Variants in ZNF229 observed in about 807,000 individuals in gnomAD.
ZNF229 encodes zinc finger protein 229.
In ZNF229, 10 loss-of-function variants were observed where a neutral mutation model predicts 11.8. The ratio of observed to expected loss-of-function variants is 0.85; its 90% CI spans 0.52 to 1.44. ZNF229 has a LOEUF of 1.44. Ranked by LOEUF, ZNF229 falls within the 40% of genes most tolerant of loss-of-function variation. The pLI is 0.00. For missense variants in ZNF229, 1,045 were observed against 1,015.1 expected (o/e 1.03, Z -0.40); for synonymous variants, 368 against 374.8 (o/e 0.98, Z 0.21).
At position 44,427,238 on chromosome 19, in the gene ZNF229, A is replaced by ACCCCCC. The variant is rs34703374; in HGVS notation, c.*1059_*1064dup. 908 of 116,706 alleles carry ACCCCCC rather than the reference A, an allele frequency of 7.8e-3. No individual in the cohort carries two copies. The highest frequency in any genetic ancestry group is 0.01 in the African/African-American group (296 of 29,028). 7.2% of individuals were successfully genotyped at this position (116,706 alleles called of 1,614,324 possible). A position where few individuals can be genotyped will look rare whatever the true frequency, so the allele number is the denominator to read the frequency against. On this transcript the variant is annotated 3_prime_UTR_variant, in exon 6 of 6. Coordinates refer to ENST00000614049, the MANE Select transcript of ZNF229 (RefSeq NM_014518.4). ...CAAACCATATCAGACTGTTTCTACA[A>ACCCCCC]CCCCCCCCCCCGCCCCCACTGATGG...
rs1050506747 is a variant in ZNF229 at position 44,448,378 on chromosome 19, T to C, written c.-335A>G. ...ACGTTGTCCCTTCACACTGGTCCTA[T>C]AGAGCCGATCCTAATTCCCATGGCC... On this transcript the variant is annotated 5_prime_UTR_variant, in exon 1 of 6. Transcript: ENST00000614049. The C allele has an allele frequency of 1.3e-5, 2 of 152,332 alleles. No homozygotes were observed. Among genetic ancestry groups the C allele is most frequent in the East Asian group, 1.9e-4 (1 of 5,204 alleles). The allele number at this position is 152,332 out of a possible 1,614,324, so 9.4% of individuals were successfully genotyped here. A position where few individuals can be genotyped will look rare whatever the true frequency, so the allele number is the denominator to read the frequency against.
intron 2 of ZNF229, among the ~76,000 whole-genome samples, chr19:44,446,291 T>C (rs142919252): frequency 6.0e-4 from 91 of 152,326 alleles, no homozygotes; most frequent in African/African-American, 2.0e-3. Flanking sequence ...TATGAAGTTA[T>C]GATAAAATAA....
At chr19:44,435,965 A>AAT (rs377392500) in intron 4 of ZNF229, among the ~76,000 whole-genome samples, 12 of 152,200 alleles carry the variant, frequency 7.9e-5, no homozygotes, top group African/African-American at 2.9e-4. Flanking sequence ...GCAGGAAACA[A>AAT]ATAAACACTG....
chr19:44,448,012 T>TA (rs1393756253), intron 1 of ZNF229, among the ~76,000 whole-genome samples: 2 of 152,194 alleles, frequency 1.3e-5, no homozygotes, highest in Non-Finnish European at 2.9e-5. Context: ...CAGCGCTTAA[T>TA]ACATTTCAAA....
Position 44,436,084 on chromosome 19 carries a change from G to A in ZNF229, c.94-3718C>T, listed in dbSNP as rs552962599. Among the ~76,000 whole-genome samples, 443 of 152,302 alleles carry A rather than the reference G, an allele frequency of 2.9e-3. 3 individuals carry two copies. Among genetic ancestry groups the A allele is most frequent in the African/African-American group, 0.01 (427 of 41,560 alleles). On this transcript the variant is annotated intron_variant, in intron 4 of 5. Transcript: ENST00000614049. ...AATGGATCAAGTATAGATACAAGGA[G>A]ACCACATTGGAGGCCACTGCAATAT...
chr19:44,429,722 G>T lies in ZNF229; in HGVS notation c.1059C>A (p.Val353=). 1 of 1,614,120 alleles carries T rather than the reference G, an allele frequency of 6.2e-7. No homozygotes were observed. Among genetic ancestry groups the T allele is most frequent in the African/African-American group, 1.3e-5 (1 of 74,986 alleles). ...ATTTATACCTGAACCCCTTTCCACA[G>T]ACATCACATCTATAGGGCATGTCTC... The part of the protein sequence containing the change: ...PVGDMPYRCD[V]CGKGFRYKSV... Residue 353 remains valine (V), a synonymous_variant, in exon 6 of 6, where the codon GTC becomes GTA. Transcript: ENST00000614049.
intron 4 of ZNF229, among the ~76,000 whole-genome samples, chr19:44,433,106 T>G (rs1389683844): frequency 6.6e-6 from 1 of 152,022 alleles, no homozygotes; most frequent in Admixed American, 6.6e-5. Flanking sequence ...CAGGATGGCA[T>G]GCACTGGTGC....
At chr19:44,431,900 G>T in intron 5 of ZNF229, 2 of 712,564 alleles carry the variant, frequency 2.8e-6, no homozygotes, top group Non-Finnish European at 3.5e-6. Flanking sequence ...TCATGGAGGT[G>T]GAACCCCCAG....
chr19:44,433,745 G>C (rs552952383), intron 4 of ZNF229, among the ~76,000 whole-genome samples: 2 of 151,996 alleles, frequency 1.3e-5, no homozygotes, highest in East Asian at 3.9e-4. Context: ...ACCCAGTCTC[G>C]GGTTTTTGTT....
intron 5 of ZNF229, 153 bp downstream of exon 5, chr19:44,432,069 A>G: frequency 7.2e-7 from 1 of 1,381,250 alleles, no homozygotes. Context: ...TCCAGAAATA[A>G]ACTTCTGTTG....
At chr19:44,434,950 GA>G (rs948587022) in intron 4 of ZNF229, among the ~76,000 whole-genome samples, 4 of 152,048 alleles carry the variant, frequency 2.6e-5, no homozygotes, top group African/African-American at 9.7e-5. Context: ...TCATGATGGT[GA>G]ATAAGTCTCA....
Position 44,443,301 on chromosome 19 carries a change from T to A in ZNF229, c.-177-277A>T, listed in dbSNP as rs564379874. Among the ~76,000 whole-genome samples, 4 of 152,218 alleles carry A rather than the reference T, an allele frequency of 2.6e-5. No individual in the cohort carries two copies. In the South Asian group the frequency reaches 8.3e-4, roughly 32 times the overall value. On this transcript the variant is annotated intron_variant, in intron 2 of 5. Transcript: ENST00000614049. Reference sequence around the variant, plus strand: ...GAAGGGCAGAGAGACCCCACAAATATATGGGACCTGTGACCTGTGAAGAAA... The same window carrying A: ...GAAGGGCAGAGAGACCCCACAAATAAATGGGACCTGTGACCTGTGAAGAAA...
At position 44,429,314 on chromosome 19, in the gene ZNF229, G is replaced by A; in HGVS notation, c.1467C>T (p.Tyr489=). 1 of 1,614,102 alleles carries A rather than the reference G, an allele frequency of 6.2e-7. No homozygotes were observed. Among genetic ancestry groups the A allele is most frequent in the South Asian group, 1.1e-5 (1 of 91,080 alleles). ...AACCTTTGCCACACTTGTCACACTGGTAGGGCCTCTCGCCGGTGTGTGTCT... is the reference window on the plus strand; with the variant it reads ...AACCTTTGCCACACTTGTCACACTGATAGGGCCTCTCGCCGGTGTGTGTCT... ...HQKTHTGERP[Y]QCDKCGKGFS... is the part of the protein sequence containing the mutation. Residue 489 remains tyrosine, a synonymous_variant, in exon 6 of 6, where the codon TAC becomes TAT. Transcript: ENST00000614049.
In ZNF229 at chr19:44,429,059, GC is replaced by G. The variant is rs1971647659; in HGVS notation, c.1721del (p.Cys574SerfsTer246). The G allele has an allele frequency of 6.2e-7, 1 of 1,612,210 alleles. No individual in the cohort carries two copies. Among genetic ancestry groups the G allele is most frequent in the African/African-American group, 1.3e-5 (1 of 74,226 alleles). ...RVHTGEKPYK[C>X]SECGKGFRRN... ...GCCGGAAGCCCTTCCCACACTCACT[GC>G]ATTTATAGGGTTTCTCTCCTGTGTG... On this transcript the variant is annotated frameshift_variant, in exon 6 of 6. Coordinates refer to ENST00000614049, the MANE Select transcript of ZNF229 (RefSeq NM_014518.4). LOFTEE classifies it low-confidence loss of function (END_TRUNC).
Position 44,428,269 on chromosome 19 carries a change from G to C in ZNF229, c.*34C>G. 1 of 1,556,054 alleles carries C rather than the reference G, an allele frequency of 6.4e-7. No individual in the cohort carries two copies. Among genetic ancestry groups the C allele is most frequent in the Non-Finnish European group, 8.7e-7 (1 of 1,148,654 alleles). On this transcript the variant is annotated 3_prime_UTR_variant, in exon 6 of 6. Coordinates refer to ENST00000614049, the MANE Select transcript of ZNF229 (RefSeq NM_014518.4). The stretch of plus-strand genomic sequence containing the variant: ...GTGTTGGCTCTCAGATGGATAGAAA[G>C]CTCTGAGTCCCAGATGGAATCCTCT...
chr19:44,430,595 G>T, intron 5 of ZNF229, 53 bp from the exon 6 acceptor site: 2 of 1,505,438 alleles, frequency 1.3e-6, no homozygotes, highest in Non-Finnish European at 8.9e-7. Context: ...ACTGGCTCAG[G>T]GACATCAGAC....
rs1268883290 is a variant in ZNF229, at chr19:44,432,329, G to A, written c.131C>T (p.Thr44Ile). 6.2e-7 allele frequency: 1 copy of A among 1,613,640 alleles called. No individual in the cohort carries two copies. The highest frequency in any genetic ancestry group is 2.2e-5 in the East Asian group (1 of 44,880). Residue 44 changes from threonine to isoleucine, a missense_variant, in exon 5 of 6, where the codon ACT (threonine) becomes ATT (isoleucine). By Grantham distance (89) the Thr-to-Ile change is moderately conservative. Coordinates refer to ENST00000614049, the MANE Select transcript of ZNF229 (RefSeq NM_014518.4). ...LSFKDVAVVF[T>I]EEELELLDST... ...GTCCAGCAGCTCTAGCTCCTCCTCAGTGAAGACCACAGCCACGTCCTTGAA... is the reference window on the plus strand; with the variant it reads ...GTCCAGCAGCTCTAGCTCCTCCTCAATGAAGACCACAGCCACGTCCTTGAA...
In ZNF229 at chr19:44,448,340, G is replaced by A. The variant is rs545995745; in HGVS notation, c.-297C>T. On this transcript the variant is annotated 5_prime_UTR_variant, in exon 1 of 6. Coordinates refer to ENST00000614049, the MANE Select transcript of ZNF229 (RefSeq NM_014518.4). ...GAGCTCATGGAAATCCGTGGGCTTC[G>A]ACCCTCCGCCGCACGTTGTCCCTTC... 3 of 152,394 alleles carry A rather than the reference G, an allele frequency of 2.0e-5. No individual in the cohort carries two copies. The East Asian group carries it at 5.8e-4, about 29-fold the overall frequency. The allele number at this position is 152,394 out of a possible 1,614,324, so 9.4% of individuals were successfully genotyped here. A position where few individuals can be genotyped will look rare whatever the true frequency, so the allele number is the denominator to read the frequency against.
In ZNF229 at chr19:44,432,277, A is replaced by G. The variant is rs772353978; in HGVS notation, c.183T>C (p.Asp61=). ...LDSTQRQLYQ[D]VMQENFRNLL... is the part of the protein sequence containing the mutation. ...GGTTCCTGAAATTCTCCTGCATCACATCTTGGTACAGCTGCCTCTGGGTAG... is the reference window on the plus strand; with the variant it reads ...GGTTCCTGAAATTCTCCTGCATCACGTCTTGGTACAGCTGCCTCTGGGTAG... The change falls in exon 5 of 6, where the codon GAT becomes GAC. Residue 61 remains aspartate, a synonymous_variant. Coordinates refer to ENST00000614049, the MANE Select transcript of ZNF229 (RefSeq NM_014518.4). The G allele has an allele frequency of 6.2e-7, 1 of 1,613,710 alleles. No homozygotes were observed. The highest frequency in any genetic ancestry group is 8.5e-7 in the Non-Finnish European group (1 of 1,179,966).
Sources: gnomAD v4.1 joint callset for allele counts (sites outside exome capture counted in the v4.1 genomes callset) on GRCh38, gnomAD v4.1.1 for gene constraint, MANE v1.5 for transcripts, NCBI Gene and HGNC (gene_info 2026-07-23, HGNC 2026-07-21) for gene names.